TBC1D19: variants seen among roughly 807,000 people sequenced by gnomAD.
The protein encoded by TBC1D19 is TBC1 domain family, member 19.
In TBC1D19, 60 loss-of-function variants were observed where a neutral mutation model predicts 89.0. The ratio of observed to expected loss-of-function variants is 0.67; its 90% confidence interval spans 0.55 to 0.84. The LOEUF (loss-of-function observed/expected upper bound fraction) is 0.84, where lower values mean the gene tolerates loss of function less well. Ranked by LOEUF, TBC1D19 falls within the 40% of genes least tolerant of loss-of-function variation. The probability of loss-of-function intolerance (pLI) is 0.00; values close to 1 mark genes in which losing one functional copy is unlikely to be tolerated. For missense variants in TBC1D19, 500 were observed against 610.8 expected, an observed-to-expected ratio of 0.82 and a Z score of 1.91; for synonymous variants, 189 against 199.7, an observed-to-expected ratio of 0.95 and a Z score of 0.45.
the TBC1D19 span, among the ~76,000 whole-genome samples, chr4:26,834,864 TC>T: frequency 6.6e-6 from 1 of 152,130 alleles, no homozygotes; most frequent in Non-Finnish European, 1.5e-5. Flanking sequence ...GTCAAGCAAA[TC>T]CCGCTCCCAA....
At chr4:26,640,627 G>A (rs1256904679) in intron 7 of TBC1D19, among the ~76,000 whole-genome samples, 1 of 152,166 alleles carries the variant, frequency 6.6e-6, no homozygotes, top group Non-Finnish European at 1.5e-5. Context: ...GAAGGGCAAG[G>A]GGTTGGGGGA....
chr4:26,614,796 G>A (rs1741579162), intron 3 of TBC1D19, among the ~76,000 whole-genome samples: 1 of 152,074 alleles, frequency 6.6e-6, no homozygotes, highest in Admixed American at 6.5e-5. Flanking sequence ...TTGTGCCTCA[G>A]GCTCCCAAGT....
At chr4:26,646,186 T>C (rs1167706843) in intron 7 of TBC1D19, among the ~76,000 whole-genome samples, 1 of 149,162 alleles carries the variant, frequency 6.7e-6, no homozygotes, top group Admixed American at 6.6e-5. Flanking sequence ...AAAGAAGACA[T>C]TTATGCAGCC....
At chr4:26,667,034 C>T (rs1460631926) in intron 9 of TBC1D19, among the ~76,000 whole-genome samples, 1 of 151,778 alleles carries the variant, frequency 6.6e-6, no homozygotes, top group Non-Finnish European at 1.5e-5. Context: ...CATCTTTGGA[C>T]TTGTTTCTTC....
intron 4 of TBC1D19, among the ~76,000 whole-genome samples, chr4:26,622,318 T>C (rs1220900769): frequency 6.6e-6 from 1 of 152,072 alleles, no homozygotes; most frequent in African/African-American, 2.4e-5. Context: ...TTTAGTGAAA[T>C]TGAAAATTTC....
chr4:26,684,440 A>G (rs937631742), intron 12 of TBC1D19, among the ~76,000 whole-genome samples: 3 of 152,146 alleles, frequency 2.0e-5, no homozygotes, highest in Non-Finnish European at 4.4e-5. Flanking sequence ...TTCTTAATTC[A>G]GACCCCACTC....
At chr4:26,641,234 C>T (rs925320274) in intron 7 of TBC1D19, among the ~76,000 whole-genome samples, 2 of 152,236 alleles carry the variant, frequency 1.3e-5, no homozygotes, top group Admixed American at 1.3e-4. Context: ...ATTTGCTCTT[C>T]TGCAATATTT....
chr4:26,733,866 G>A (rs1490096674), intron 15 of TBC1D19, among the ~76,000 whole-genome samples: 2 of 152,056 alleles, frequency 1.3e-5, no homozygotes, highest in African/African-American at 4.8e-5. Context: ...GTGTAGGGAG[G>A]GAAAATGATT....
chr4:26,681,001 G>T (rs1292553941), intron 11 of TBC1D19, among the ~76,000 whole-genome samples: 2 of 152,118 alleles, frequency 1.3e-5, no homozygotes, highest in Admixed American at 6.5e-5. Context: ...AGAAAAATAG[G>T]TATATGTTAT....
chr4:26,772,777 C>A, the TBC1D19 span, among the ~76,000 whole-genome samples: 1 of 152,166 alleles, frequency 6.6e-6, no homozygotes, highest in Non-Finnish European at 1.5e-5. Context: ...CCATTCATGT[C>A]CCTTCAAAGG....
chr4:26,674,264 C>A (rs1052217192), intron 11 of TBC1D19, among the ~76,000 whole-genome samples: 5 of 151,982 alleles, frequency 3.3e-5, no homozygotes, highest in Non-Finnish European at 7.4e-5. Context: ...GATTCTTTGT[C>A]CCTATAGGTA....
intron 17 of TBC1D19, 23 bp from the exon 18 acceptor site, chr4:26,742,485 T>G: frequency 6.5e-7 from 1 of 1,539,300 alleles, no homozygotes; most frequent in Non-Finnish European, 8.8e-7. Flanking sequence ...TCTATTTCTC[T>G]TATGATTCAT....
the TBC1D19 span, among the ~76,000 whole-genome samples, chr4:26,803,528 A>T: frequency 2.0e-5 from 3 of 152,226 alleles, no homozygotes; most frequent in African/African-American, 4.8e-5. Flanking sequence ...CTGTGACTAG[A>T]GTTCTCAAGT....
the TBC1D19 span, among the ~76,000 whole-genome samples, chr4:26,766,060 A>C: frequency 6.6e-6 from 1 of 152,180 alleles, no homozygotes; most frequent in African/African-American, 2.4e-5. Context: ...TGTTTGTGAA[A>C]GACAGAGATA....
Position 26,707,590 on chromosome 4 carries a change from A to G in TBC1D19, c.955-10343A>G, listed in dbSNP as rs200946663. Among the ~76,000 whole-genome samples, 9 of 152,012 alleles carry G rather than the reference A, an allele frequency of 5.9e-5. No individual in the cohort carries two copies. In the East Asian group the frequency reaches 1.5e-3, roughly 26 times the overall value. On this transcript the variant is annotated intron_variant, in intron 13 of 20. Coordinates refer to ENST00000264866, the MANE Select transcript of TBC1D19 (RefSeq NM_018317.4). Reference sequence around the variant, plus strand: ...TCTATTTGTTTTCTATGTGTCTTATAGCTTTTATGCCTCTCATTTTCTGTA... The same window carrying G: ...TCTATTTGTTTTCTATGTGTCTTATGGCTTTTATGCCTCTCATTTTCTGTA...
intron 7 of TBC1D19, among the ~76,000 whole-genome samples, chr4:26,650,899 G>T (rs1183042197): frequency 1.3e-5 from 2 of 152,176 alleles, no homozygotes; most frequent in Non-Finnish European, 2.9e-5. Context: ...TATATAAGGT[G>T]TAAGGAAGGG....
intron 10 of TBC1D19, among the ~76,000 whole-genome samples, chr4:26,673,389 T>A (rs1712489725): frequency 6.7e-6 from 1 of 148,772 alleles, no homozygotes; most frequent in Non-Finnish European, 1.5e-5. Flanking sequence ...TCCGTAGCTA[T>A]GAATTAACTT....
intron 17 of TBC1D19, among the ~76,000 whole-genome samples, chr4:26,742,269 G>A (rs959211128): frequency 1.3e-5 from 2 of 152,144 alleles, no homozygotes; most frequent in Admixed American, 6.5e-5. Context: ...GGAGCATATT[G>A]TGTAAAAAGG....
the TBC1D19 span, among the ~76,000 whole-genome samples, chr4:26,827,868 G>A: frequency 6.6e-6 from 1 of 152,154 alleles, no homozygotes; most frequent in Non-Finnish European, 1.5e-5. Context: ...ATACAGGCAT[G>A]TGTGCCGCTG....
Sources: gnomAD v4.1 joint callset for allele counts (sites outside exome capture counted in the v4.1 genomes callset) on GRCh38, gnomAD v4.1.1 for gene constraint, MANE v1.5 for transcripts, NCBI Gene and HGNC (gene_info 2026-07-23, HGNC 2026-07-21) for gene names.